The following SPATS2 variants were observed in gnomAD, a reference collection of about 807,000 sequenced individuals.
SPATS2 encodes the protein spermatogenesis-associated serine-rich protein 2.
SPATS2 carries 38 observed loss-of-function variants against 63.7 expected under a neutral mutation model. That is an observed-to-expected ratio of 0.60 (90% CI 0.46 to 0.78). SPATS2 has a LOEUF of 0.78. Ranked by LOEUF, SPATS2 falls within the 30% of genes least tolerant of loss-of-function variation. The pLI, the probability that SPATS2 is intolerant of heterozygous loss-of-function variation, is 0.00. For missense variants in SPATS2, 588 were observed against 666.2 expected (o/e 0.88, Z 1.29); for synonymous variants, 207 against 232.9 (o/e 0.89, Z 1.01).
At chr12:49,522,700 C>G (rs771926990) in intron 11 of SPATS2, 51 bp from the exon 12 acceptor site, 5 of 1,423,036 alleles carry the variant, frequency 3.5e-6, no homozygotes, top group African/African-American at 1.4e-5. Flanking sequence ...GTTATAGATT[C>G]CATGGATGTT....
chr12:49,469,633 G>C, intron 3 of SPATS2: 1 of 407,594 alleles, frequency 2.5e-6, no homozygotes, highest in Middle Eastern at 8.6e-4. Context: ...GCTCACATCT[G>C]TAATTCCAGC....
At chr12:49,476,412 C>T (rs1279800049) in intron 3 of SPATS2, among the ~76,000 whole-genome samples, 1 of 152,182 alleles carries the variant, frequency 6.6e-6, no homozygotes, top group Non-Finnish European at 1.5e-5. Context: ...TGCACTCATT[C>T]TTCAAGCCCA....
chr12:49,459,550 G>A (rs1420077415), intron 2 of SPATS2, among the ~76,000 whole-genome samples: 1 of 151,720 alleles, frequency 6.6e-6, no homozygotes, highest in Non-Finnish European at 1.5e-5. Flanking sequence ...GTTTCTCCAT[G>A]TTGGTCCGGC....
chr12:49,426,218 G>C (rs1437721538), intron 2 of SPATS2, among the ~76,000 whole-genome samples: 1 of 141,248 alleles, frequency 7.1e-6, no homozygotes, highest in Non-Finnish European at 1.5e-5. Flanking sequence ...TTTTTTTTTT[G>C]ATGTGTAATA....
intron 3 of SPATS2, among the ~76,000 whole-genome samples, chr12:49,475,965 G>A (rs1347845379): frequency 1.3e-5 from 2 of 152,140 alleles, no homozygotes; most frequent in East Asian, 1.9e-4. Flanking sequence ...GAAGGGAAGG[G>A]CTGTGGTCCC....
chr12:49,519,447 T>C (rs972621996), intron 11 of SPATS2, among the ~76,000 whole-genome samples: 2 of 152,230 alleles, frequency 1.3e-5, no homozygotes, highest in African/African-American at 4.8e-5. Context: ...TCTGACCTTA[T>C]CTCTTCATCT....
intron 2 of SPATS2, chr12:49,390,139 A>ACTT: frequency 6.5e-7 from 1 of 1,542,476 alleles, no homozygotes; most frequent in Non-Finnish European, 8.9e-7. Flanking sequence ...AGTGACCAAC[A>ACTT]GTGACTTGAG....
At chr12:49,425,149 T>C (rs1406567372) in intron 2 of SPATS2, among the ~76,000 whole-genome samples, 1 of 152,198 alleles carries the variant, frequency 6.6e-6, no homozygotes, top group East Asian at 1.9e-4. Flanking sequence ...GTGAGAACTC[T>C]TAGAGACTTG....
chr12:49,514,350 G>T, intron 9 of SPATS2: 2 of 527,980 alleles, frequency 3.8e-6, no homozygotes, highest in South Asian at 2.5e-5. Flanking sequence ...AGGGAATTGG[G>T]TCTATTTATT....
At chr12:49,396,141 G>T (rs922995060) in intron 2 of SPATS2, among the ~76,000 whole-genome samples, 1 of 152,118 alleles carries the variant, frequency 6.6e-6, no homozygotes, top group East Asian at 1.9e-4. Flanking sequence ...TAATTCATCC[G>T]TTGATGTACA....
intron 3 of SPATS2, among the ~76,000 whole-genome samples, chr12:49,467,048 T>TG: frequency 9.6e-6 from 1 of 104,280 alleles, no homozygotes; most frequent in African/African-American, 4.4e-5. Context: ...TTCTTTGTTT[T>TG]TTTTTTTTTT....
intron 2 of SPATS2, among the ~76,000 whole-genome samples, chr12:49,384,520 T>C (rs960011668): frequency 2.0e-5 from 3 of 152,218 alleles, no homozygotes; most frequent in African/African-American, 4.8e-5. Context: ...CATGTATGTA[T>C]GTGTTTGTAT....
chr12:49,412,984 G>A (rs957518635), intron 2 of SPATS2, among the ~76,000 whole-genome samples: 1 of 151,696 alleles, frequency 6.6e-6, no homozygotes, highest in African/African-American at 2.4e-5. Flanking sequence ...AGTATTTGAT[G>A]TTAATTGATT....
At chr12:49,396,988 G>A (rs1427145748) in intron 2 of SPATS2, among the ~76,000 whole-genome samples, 1 of 152,130 alleles carries the variant, frequency 6.6e-6, no homozygotes, top group East Asian at 1.9e-4. Flanking sequence ...TTACATTTTA[G>A]TGCCTGTGTT....
intron 8 of SPATS2, among the ~76,000 whole-genome samples, chr12:49,497,305 C>G (rs1387223302): frequency 2.0e-5 from 3 of 152,092 alleles, no homozygotes; most frequent in Middle Eastern, 3.4e-3. Context: ...TCTTTATTTG[C>G]TTTATTGCAA....
At chr12:49,502,742 C>G (rs1003955408) in intron 9 of SPATS2, among the ~76,000 whole-genome samples, 2 of 152,178 alleles carry the variant, frequency 1.3e-5, no homozygotes, top group Admixed American at 1.3e-4. Context: ...CAGCCATAAG[C>G]CACTGCGCCT....
At chr12:49,424,137 AGGTT>A (rs1945031481) in intron 2 of SPATS2, among the ~76,000 whole-genome samples, 2 of 152,108 alleles carry the variant, frequency 1.3e-5, no homozygotes, top group South Asian at 2.1e-4. Context: ...CGAGAGGTGG[AGGTT>A]GCAGTGAGCT....
intron 9 of SPATS2, among the ~76,000 whole-genome samples, chr12:49,503,210 C>T (rs1000033868): frequency 8.6e-5 from 13 of 151,938 alleles, no homozygotes; most frequent in African/African-American, 2.4e-4. Flanking sequence ...ATTAGCCGGG[C>T]GTGGTGGCGT....
rs369544729 is a variant in SPATS2, at chr12:49,483,543, G to A, written c.26-1047G>A. Among the ~76,000 whole-genome samples, 76 of 152,168 alleles carry A rather than the reference G, an allele frequency of 5.0e-4. No homozygotes were observed. The South Asian group carries it at 0.012, about 25-fold the overall frequency. On this transcript the variant is annotated intron_variant, in intron 3 of 13. Transcript: ENST00000552918. The stretch of plus-strand genomic sequence containing the variant: ...TTTGAGTAGCAGTCTAGAAATGGCC[G>A]GTATTAACAAAAGTTAAATCTAAAT...
Sources: gnomAD v4.1 joint callset for allele counts (sites outside exome capture counted in the v4.1 genomes callset) on GRCh38, gnomAD v4.1.1 for gene constraint, MANE v1.5 for transcripts, NCBI Gene and HGNC (gene_info 2026-07-23, HGNC 2026-07-21) for gene names.